NFATC2: variants seen among roughly 807,000 people sequenced by gnomAD.
The protein encoded by NFATC2 is nuclear factor of activated T cells 2, also known as nuclear factor of activated T-cells, cytoplasmic 2.
A neutral mutation model predicts 87.3 loss-of-function variants in NFATC2; 22 were observed. The observed-to-expected ratio is 0.25, with a 90% CI of 0.18 to 0.36. The LOEUF (loss-of-function observed/expected upper bound fraction) is 0.36, where lower values mean the gene tolerates loss of function less well. Among genes scored for constraint, NFATC2 ranks in the 10% least tolerant of loss-of-function variants. The probability of loss-of-function intolerance (pLI) is 1.00; values close to 1 mark genes in which losing one functional copy is unlikely to be tolerated. For synonymous variants in NFATC2, 565 were observed against 542.2 expected (o/e 1.04, Z -0.58); for missense variants, 1,149 against 1,259.1 (o/e 0.91, Z 1.32).
At chr20:51,461,807 G>A (rs1987183192) in intron 5 of NFATC2, among the ~76,000 whole-genome samples, 1 of 152,226 alleles carries the variant, frequency 6.6e-6, no homozygotes, top group African/African-American at 2.4e-5. Flanking sequence ...CTACAGAGAG[G>A]GCAGTTTCTG....
upstream of NFATC2, chr20:51,562,689 C>T: frequency 6.8e-7 from 1 of 1,477,070 alleles, no homozygotes; most frequent in Non-Finnish European, 9.2e-7. This position sits in a 1 kb window ranked among gnomAD's most constrained non-coding sequence, Gnocchi z 5.8. Flanking sequence ...TATCGACCAG[C>T]AGCCGAGGGG....
At chr20:51,488,153 C>T (rs6021239) in intron 3 of NFATC2, among the ~76,000 whole-genome samples, 2,442 of 152,262 alleles carry the variant, frequency 0.016, 54 homozygotes, top group East Asian at 0.072. Flanking sequence ...ATTCACTCCT[C>T]CGTTTAGTCA....
chr20:51,541,506 T>A (rs1017290169), intron 1 of NFATC2, among the ~76,000 whole-genome samples: 1 of 152,158 alleles, frequency 6.6e-6, no homozygotes, highest in Admixed American at 6.5e-5. Context: ...CAGATAAGCA[T>A]TGGGCCCAGC....
intron 3 of NFATC2, among the ~76,000 whole-genome samples, chr20:51,504,859 T>C (rs2146643421): frequency 6.6e-6 from 1 of 152,180 alleles, no homozygotes. Flanking sequence ...TAACCTGATA[T>C]AGACTCAAAT....
intron 9 of NFATC2, among the ~76,000 whole-genome samples, chr20:51,405,817 C>T (rs537253241): frequency 4.6e-5 from 7 of 152,268 alleles, no homozygotes; most frequent in South Asian, 2.1e-4. Flanking sequence ...AGAATTTTTC[C>T]GATCAGGTCT....
Position 51,454,368 on chromosome 20 carries a change from A to G in NFATC2, c.1849+180T>C, listed in dbSNP as rs535052088. Among the ~76,000 whole-genome samples, 7 of 152,372 alleles carry G rather than the reference A, an allele frequency of 4.6e-5. No homozygotes were observed. The East Asian group carries it at 1.2e-3, about 25-fold the overall frequency. On this transcript the variant is annotated intron_variant, in intron 6 of 10. Transcript: ENST00000371564. The stretch of plus-strand genomic sequence containing the variant: ...GAAGAGTTAAAATGTAGAATGGCAC[A>G]TTCATGCAATGGCGAATGGTATGGC...
chr20:51,471,317 A>G (rs547732317), intron 5 of NFATC2, among the ~76,000 whole-genome samples: 53 of 152,244 alleles, frequency 3.5e-4, no homozygotes, highest in Admixed American at 7.8e-4. Context: ...ATCTGCTCAC[A>G]ATCCCCCAAA....
chr20:51,439,322 G>A (rs893775426), intron 6 of NFATC2, among the ~76,000 whole-genome samples: 2 of 152,208 alleles, frequency 1.3e-5, no homozygotes, highest in African/African-American at 4.8e-5. Context: ...TCCTACAGGG[G>A]AGGACACCAG....
intron 5 of NFATC2, 114 bp downstream of exon 5, chr20:51,473,866 C>A: frequency 1.8e-6 from 2 of 1,089,516 alleles, no homozygotes; most frequent in Non-Finnish European, 1.3e-6. Context: ...CCTGTGGGTC[C>A]CACACATTCC....
intron 9 of NFATC2, among the ~76,000 whole-genome samples, chr20:51,403,829 T>A (rs1988297647): frequency 6.6e-6 from 1 of 152,186 alleles, no homozygotes; most frequent in African/African-American, 2.4e-5. Flanking sequence ...TGTGAGAAGA[T>A]AAATTTCTGT....
At chr20:51,425,891 C>T (rs982994275) in intron 9 of NFATC2, among the ~76,000 whole-genome samples, 2 of 152,198 alleles carry the variant, frequency 1.3e-5, no homozygotes, top group South Asian at 4.1e-4. Flanking sequence ...GCCACTGGTC[C>T]ACACTCCTCC....
At chr20:51,561,451 GA>G (rs1320640768) in intron 1 of NFATC2, among the ~76,000 whole-genome samples, 49 of 109,028 alleles carry the variant, frequency 4.5e-4, no homozygotes, top group African/African-American at 1.7e-3. Flanking sequence ...AAGAAAGAAA[GA>G]AAGAAAGAAA....
intron 4 of NFATC2, 43 bp downstream of exon 4, chr20:51,475,415 G>A (rs772576012): frequency 3.1e-6 from 5 of 1,601,854 alleles, no homozygotes; most frequent in Admixed American, 1.7e-5. Flanking sequence ...CCCCCTGCTC[G>A]CTTCTCCATG....
chr20:51,451,684 C>T (rs972873294), intron 6 of NFATC2, among the ~76,000 whole-genome samples: 6 of 152,200 alleles, frequency 3.9e-5, no homozygotes, highest in African/African-American at 1.2e-4. Flanking sequence ...CTTGCATTAC[C>T]GCCTGAGCGC....
chr20:51,411,514 G>GTT (rs1748788232), intron 9 of NFATC2, among the ~76,000 whole-genome samples: 3 of 108,968 alleles, frequency 2.8e-5, no homozygotes, highest in African/African-American at 1.1e-4. Flanking sequence ...CAATGCAATT[G>GTT]TCTTTTTTTT....
chr20:51,523,590 C>T lies in NFATC2; in HGVS notation c.651G>A (p.Ser217=), dbSNP rs578026552. The T allele has an allele frequency of 3.1e-5, 50 of 1,613,642 alleles. No individual in the cohort carries two copies. Among genetic ancestry groups the T allele is most frequent in the Non-Finnish European group, 4.2e-5 (50 of 1,179,830 alleles). ...GGCTGGTTCGAGGTGACATTATTGG[C>T]GAGGTTCTGGGGGAATAATGAGCAG... ...NIPAHYSPRT[S]PIMSPRTSLA... The change falls in exon 2 of 11, where the codon TCG becomes TCA. Residue 217 remains serine, a synonymous_variant. Transcript: ENST00000371564. This position sits in a 1 kb window ranked among gnomAD's most constrained non-coding sequence, Gnocchi z 6.9.
chr20:51,424,539 G>C (rs979907101), intron 9 of NFATC2, among the ~76,000 whole-genome samples: 31 of 152,326 alleles, frequency 2.0e-4, no homozygotes, highest in African/African-American at 7.2e-4. Context: ...ACCATTATAA[G>C]TGACTTGGCC....
rs756367926 is a variant in NFATC2, at chr20:51,542,389, C to T, written c.111G>A (p.Glu37=). 1.6e-5 allele frequency: 26 copies of T among 1,607,766 alleles called. No homozygotes were observed. The highest frequency in any genetic ancestry group is 2.0e-5 in the Non-Finnish European group (23 of 1,176,974). ...ELDFSILFDY[E]YLNPNEEEPN... ...ACCGACCTTCGTTCGGATTCAAATA[C>T]TCATAGTCGAAGAGGATGGAGAAGT... The change falls in exon 1 of 11, where the codon GAG becomes GAA. Residue 37 remains glutamate, a synonymous_variant. Transcript: ENST00000371564.
intron 1 of NFATC2, among the ~76,000 whole-genome samples, chr20:51,536,713 G>C (rs1191934428): frequency 6.6e-6 from 1 of 152,144 alleles, no homozygotes; most frequent in Admixed American, 6.5e-5. Flanking sequence ...CTGCCTCCCT[G>C]CAAGGCCGAT....
Sources: allele counts gnomAD v4.1 joint callset (sites outside exome capture counted in the v4.1 genomes callset), GRCh38; gene constraint gnomAD v4.1.1; non-coding constraint Gnocchi (gnomAD v3.1); transcripts MANE v1.5; gene names NCBI Gene and HGNC (gene_info 2026-07-23, HGNC 2026-07-21).